NIBAN1: variants seen among roughly 807,000 people sequenced by gnomAD.
The protein encoded by NIBAN1 is niban apoptosis regulator 1.
NIBAN1 carries 81 observed loss-of-function variants against 75.1 expected under a neutral mutation model. That is an observed-to-expected ratio of 1.08 (90% CI 0.90 to 1.30). The LOEUF (loss-of-function observed/expected upper bound fraction) is 1.30, where lower values mean the gene tolerates loss of function less well. Ranked by LOEUF, NIBAN1 falls within the 50% of genes most tolerant of loss-of-function variation. NIBAN1 has a pLI of 0.00. For missense variants in NIBAN1, 1,133 were observed against 1,128.1 expected (o/e 1.00, Z -0.06); for synonymous variants, 436 against 424.8 (o/e 1.03, Z -0.32).
At chr1:184,917,368 A>ATTTTTTTT (rs1168037153) in intron 1 of NIBAN1, among the ~76,000 whole-genome samples, 12 of 89,102 alleles carry the variant, frequency 1.3e-4, no homozygotes, top group African/African-American at 5.3e-4. Context: ...CGCCCGGCTA[A>ATTTTTTTT]TTTTTTTTTT....
rs771198252 is a variant in NIBAN1, at chr1:184,795,592, C to T, written c.2172G>A (p.Val724=). 6 of 1,614,062 alleles carry T rather than the reference C, an allele frequency of 3.7e-6. No individual in the cohort carries two copies. The Admixed American group carries it at 8.3e-5, about 22-fold the overall frequency. The part of the protein sequence containing the change: ...KLLTASVEVP[V]DSAPVMEEDT... The stretch of plus-strand genomic sequence containing the variant: ...CTTCTTCCATCACTGGAGCAGAGTC[C>T]ACTGGTACTTCCACGGACGCTGTCA... Residue 724 remains valine (V), a synonymous_variant, in exon 14 of 14, where the codon GTG becomes GTA. Coordinates refer to ENST00000367511, the MANE Select transcript of NIBAN1 (RefSeq NM_052966.4).
At chr1:184,912,467 G>T (rs986841772) in intron 1 of NIBAN1, among the ~76,000 whole-genome samples, 1 of 151,894 alleles carries the variant, frequency 6.6e-6, no homozygotes, top group Non-Finnish European at 1.5e-5. Context: ...CCACTAGCAG[G>T]GTATAAGAGT....
chr1:184,953,752 G>A (rs773757876), intron 1 of NIBAN1, among the ~76,000 whole-genome samples: 5 of 152,204 alleles, frequency 3.3e-5, no homozygotes, highest in African/African-American at 7.2e-5. Flanking sequence ...TAATGATACC[G>A]AAGGGAGGAA....
At chr1:184,902,047 C>T (rs1002556860) in intron 1 of NIBAN1, among the ~76,000 whole-genome samples, 7 of 152,102 alleles carry the variant, frequency 4.6e-5, no homozygotes, top group African/African-American at 1.7e-4. Context: ...ATGTAGGGAT[C>T]CTAAGACTGA....
rs143457356 is a variant in NIBAN1, at chr1:184,959,649, T to C, written c.55+14653A>G. On this transcript the variant is annotated intron_variant, in intron 1 of 13. Coordinates refer to ENST00000367511, the MANE Select transcript of NIBAN1 (RefSeq NM_052966.4). ...ATTCTTATAAAGAATTTGCACTTTA[T>C]TCAAGCAGGCAGTTAAGTTACTTGG... Among the ~76,000 whole-genome samples, 315 of 152,376 alleles carry C rather than the reference T, an allele frequency of 2.1e-3. 1 individual carries two copies. The highest frequency in any genetic ancestry group is 3.2e-3 in the Non-Finnish European group (217 of 68,040).
At position 184,795,759 on chromosome 1, in the gene NIBAN1, C is replaced by T. The variant is rs780996726; in HGVS notation, c.2005G>A (p.Ala669Thr). Residue 669 changes from alanine (A) to threonine (T), a missense_variant, in exon 14 of 14, where the codon GCA becomes ACA. Transcript: ENST00000367511. ...RVDDPVVNPV[A>T]TEDTAGLPGT... ...GGGAGTCCTGCTGTGTCCTCTGTTG[C>T]CACAGGATTCACCACGGGGTCATCC... The T allele has an allele frequency of 1.9e-6, 3 of 1,611,828 alleles. No individual in the cohort carries two copies. The highest frequency in any genetic ancestry group is 1.1e-5 in the South Asian group (1 of 90,702).
chr1:184,878,923 G>C (rs1656303204), intron 5 of NIBAN1, among the ~76,000 whole-genome samples: 1 of 152,148 alleles, frequency 6.6e-6, no homozygotes, highest in Non-Finnish European at 1.5e-5. Context: ...CATGGACCAG[G>C]GGTGAGGGGA....
intron 1 of NIBAN1, among the ~76,000 whole-genome samples, chr1:184,963,058 AAAGT>A (rs1658692652): frequency 6.6e-6 from 1 of 152,080 alleles, no homozygotes; most frequent in South Asian, 2.1e-4. Flanking sequence ...TGCAAGTGGT[AAAGT>A]AAGAAAAAAA....
chr1:184,865,723 AG>A (rs1282225690), intron 5 of NIBAN1, among the ~76,000 whole-genome samples: 1 of 152,230 alleles, frequency 6.6e-6, no homozygotes, highest in Non-Finnish European at 1.5e-5. Flanking sequence ...AGTCTCAGTC[AG>A]AAATCTAACT....
chr1:184,902,334 T>G (rs992578312), intron 1 of NIBAN1, among the ~76,000 whole-genome samples: 1 of 152,184 alleles, frequency 6.6e-6, no homozygotes, highest in Non-Finnish European at 1.5e-5. Context: ...CTGTGAGATC[T>G]CATGTGAGTT....
intron 10 of NIBAN1, among the ~76,000 whole-genome samples, chr1:184,807,181 T>A (rs1654224378): frequency 6.6e-6 from 1 of 152,154 alleles, no homozygotes; most frequent in Non-Finnish European, 1.5e-5. Flanking sequence ...CACAGTAATC[T>A]CTCCTCAGAA....
chr1:184,854,127 C>A (rs1349488496), intron 5 of NIBAN1, among the ~76,000 whole-genome samples: 1 of 152,068 alleles, frequency 6.6e-6, no homozygotes, highest in African/African-American at 2.4e-5. Context: ...TTTATACCTA[C>A]AGCACATTTG....
Position 184,831,957 on chromosome 1 carries a change from T to A in NIBAN1, c.607A>T (p.Met203Leu). ...TGGGCTTCAAATGTCATCTGCTTCA[T>A]GTAATCTAAAGAAAAGAAGAAAGGG... ...DCVRHLNHDY[M>L]KQMTFEAQAF... is the part of the protein sequence containing the mutation. The change falls in exon 6 of 14, where the codon ATG (methionine) becomes TTG (leucine). Residue 203 changes from methionine (M) to leucine (L), a missense_variant. By Grantham distance (15) the Met-to-Leu change is conservative (BLOSUM62 2). Transcript: ENST00000367511. 1 of 1,612,334 alleles carries A rather than the reference T, an allele frequency of 6.2e-7. No homozygotes were observed. The highest frequency in any genetic ancestry group is 8.5e-7 in the Non-Finnish European group (1 of 1,178,422).
chr1:184,936,612 C>T (rs1657968588), intron 1 of NIBAN1, among the ~76,000 whole-genome samples: 1 of 152,206 alleles, frequency 6.6e-6, no homozygotes, highest in South Asian at 2.1e-4. Context: ...CCACTCCTTG[C>T]CTATTCCAGC....
At chr1:184,904,702 G>C (rs1657045137) in intron 1 of NIBAN1, among the ~76,000 whole-genome samples, 1 of 152,176 alleles carries the variant, frequency 6.6e-6, no homozygotes, top group Non-Finnish European at 1.5e-5. Context: ...CACAATCCCA[G>C]CATTTTGGGA....
intron 5 of NIBAN1, among the ~76,000 whole-genome samples, chr1:184,844,356 G>A (rs1295355534): frequency 6.6e-6 from 1 of 152,214 alleles, no homozygotes; most frequent in Non-Finnish European, 1.5e-5. Context: ...CCTACAGAGT[G>A]TAGCACTGTC....
rs551342577 is a variant in NIBAN1, at chr1:184,974,433, G to A, written c.-77C>T. ...GCTAGCTCCTGGAGGTTGATCCGACGGCGAACCCGGCTCTGAAATTAAGAG... is the reference window on the plus strand; with the variant it reads ...GCTAGCTCCTGGAGGTTGATCCGACAGCGAACCCGGCTCTGAAATTAAGAG... On this transcript the variant is annotated 5_prime_UTR_variant, in exon 1 of 14. Transcript: ENST00000367511. 2.0e-6 allele frequency: 3 copies of A among 1,486,302 alleles called. No homozygotes were observed. The highest frequency in any genetic ancestry group is 1.4e-5 in the African/African-American group (1 of 70,126). 92.1% of individuals were successfully genotyped at this position (1,486,302 alleles called of 1,614,324 possible). A position where few individuals can be genotyped will look rare whatever the true frequency, so the allele number is the denominator to read the frequency against.
chr1:184,874,555 A>G (rs919078788), intron 5 of NIBAN1, among the ~76,000 whole-genome samples: 11 of 152,192 alleles, frequency 7.2e-5, no homozygotes, highest in South Asian at 6.2e-4. Context: ...GCATGAATCT[A>G]TCTAGTAACA....
At chr1:184,953,988 T>C (rs1658422499) in intron 1 of NIBAN1, among the ~76,000 whole-genome samples, 1 of 152,264 alleles carries the variant, frequency 6.6e-6, no homozygotes, top group Non-Finnish European at 1.5e-5. Context: ...ATTATATGAT[T>C]CAAGGAGCAC....
Sources: gnomAD v4.1 joint callset for allele counts (sites outside exome capture counted in the v4.1 genomes callset) on GRCh38, gnomAD v4.1.1 for gene constraint, MANE v1.5 for transcripts, NCBI Gene and HGNC (gene_info 2026-07-23, HGNC 2026-07-21) for gene names.